Variants in MYT1L observed in about 807,000 individuals in gnomAD.
The protein encoded by MYT1L is myelin transcription factor 1 like, also known as myelin transcription factor 1-like protein.
A neutral mutation model predicts 126.7 loss-of-function variants in MYT1L; 12 were observed. The observed-to-expected ratio is 0.09, with a 90% confidence interval of 0.06 to 0.15. The LOEUF (loss-of-function observed/expected upper bound fraction) is 0.15. Among genes scored for constraint, MYT1L ranks in the 10% least tolerant of loss-of-function variants. MYT1L has a pLI of 1.00. For missense variants in MYT1L, 979 were observed against 1,585.2 expected, an observed-to-expected ratio of 0.62 and a Z score of 6.49; for synonymous variants, 541 against 604.2, an observed-to-expected ratio of 0.90 and a Z score of 1.53.
rs35241321 is a variant in MYT1L, at chr2:1,936,167, T to TCC, written c.505+6813_505+6814dup. 2.0e-5 allele frequency among the ~76,000 whole-genome samples: 3 copies of TCC among 152,086 alleles called. No homozygotes were observed. In the East Asian group the frequency reaches 5.8e-4, roughly 29 times the overall value. ...CAAACTCCTGACCTCAGGTGATCTG[T>TCC]CCCCCTCAGCCTCCCAAAGTGCTGG... On this transcript the variant is annotated intron_variant, in intron 9 of 24. Coordinates refer to ENST00000647738, the MANE Select transcript of MYT1L (RefSeq NM_001303052.2).
chr2:1,865,089 T>C (rs1203335740), intron 18 of MYT1L, among the ~76,000 whole-genome samples: 1 of 152,178 alleles, frequency 6.6e-6, no homozygotes, highest in Non-Finnish European at 1.5e-5. Flanking sequence ...GGCGCCCGTG[T>C]GGGTGTCAGC....
At position 1,979,902 on chromosome 2, in the gene MYT1L, A is replaced by AAAC; in HGVS notation, c.1-126_1-125insGTT. ...TAATCCTGTTTCCCTCCATGAAGGG[A>AAAC]AGCCCTCTACAAGGGCAGGGGGTAA... On this transcript the variant is annotated intron_variant, in intron 5 of 24. Transcript: ENST00000647738. This position sits in a 1 kb window ranked among gnomAD's most constrained non-coding sequence, Gnocchi z 4.0. 8.3e-6 allele frequency: 8 copies of AAAC among 959,738 alleles called. No homozygotes were observed. Among genetic ancestry groups the AAAC allele is most frequent in the Non-Finnish European group, 1.1e-5 (7 of 619,458 alleles). The allele number at this position is 959,738 out of a possible 1,614,324, so 59.5% of individuals were successfully genotyped here. A position where few individuals can be genotyped will look rare whatever the true frequency, so the allele number is the denominator to read the frequency against.
chr2:2,065,902 CAGAA>C (rs780685841), intron 3 of MYT1L, among the ~76,000 whole-genome samples: 11 of 151,298 alleles, frequency 7.3e-5, no homozygotes, highest in Non-Finnish European at 1.6e-4. Context: ...GAAGTTAAAA[CAGAA>C]AGAAGAAATT....
chr2:1,829,296 C>A, intron 21 of MYT1L, among the ~76,000 whole-genome samples: 2 of 128,096 alleles, frequency 1.6e-5, no homozygotes, highest in East Asian at 2.6e-4. Context: ...CACCTGTGAA[C>A]TGACCCTCCC....
chr2:1,966,591 T>A (rs541088382), intron 8 of MYT1L, among the ~76,000 whole-genome samples: 1 of 152,158 alleles, frequency 6.6e-6, no homozygotes, highest in East Asian at 1.9e-4. Context: ...ACAAACATTG[T>A]CTGCAAAGAT....
intron 1 of MYT1L, among the ~76,000 whole-genome samples, chr2:2,297,715 C>T (rs2095716384): frequency 6.6e-6 from 1 of 152,146 alleles, no homozygotes; most frequent in African/African-American, 2.4e-5. Context: ...GTCCTTTCTA[C>T]AGCATGAAGC....
chr2:1,866,602 AG>A (rs2045528939), intron 18 of MYT1L, among the ~76,000 whole-genome samples: 1 of 98,302 alleles, frequency 1.0e-5, no homozygotes. Flanking sequence ...AGAGAGGGAG[AG>A]GGAGGGGGAG....
At chr2:2,120,934 G>A (rs17039339) in intron 3 of MYT1L, among the ~76,000 whole-genome samples, 18,348 of 151,790 alleles carry the variant, frequency 0.12, 1,145 homozygotes, top group East Asian at 0.18. Context: ...AGACTCCCCC[G>A]AAGTCCATTT....
intron 20 of MYT1L, 58 bp from the exon 21 acceptor site, chr2:1,839,428 C>A (rs2041353996): frequency 1.4e-6 from 2 of 1,478,482 alleles, no homozygotes; most frequent in Admixed American, 1.8e-5. Flanking sequence ...CTGGTGGCTT[C>A]TGTAACAAAG....
At chr2:2,199,406 G>A (rs991198732) in intron 2 of MYT1L, among the ~76,000 whole-genome samples, 1 of 152,216 alleles carries the variant, frequency 6.6e-6, no homozygotes, top group African/African-American at 2.4e-5. Flanking sequence ...ATAAGGGATG[G>A]TGTAGACTGC....
At chr2:1,904,496 G>A (rs2050772931) in intron 13 of MYT1L, among the ~76,000 whole-genome samples, 1 of 152,034 alleles carries the variant, frequency 6.6e-6, no homozygotes, top group Admixed American at 6.6e-5. Context: ...AGCCTCCCGA[G>A]TAGCTGGGAC....
chr2:1,863,760 T>G (rs2045059977), intron 18 of MYT1L, among the ~76,000 whole-genome samples: 1 of 141,614 alleles, frequency 7.1e-6, no homozygotes, highest in African/African-American at 2.5e-5. Context: ...CATTTGGGGA[T>G]ATTTGGGGGG....
intron 1 of MYT1L, among the ~76,000 whole-genome samples, chr2:2,284,965 C>A (rs2095498016): frequency 6.6e-6 from 1 of 152,166 alleles, no homozygotes. Context: ...ATCCGCCCAC[C>A]TTAGCCTCCC....
intron 21 of MYT1L, among the ~76,000 whole-genome samples, chr2:1,830,480 G>A (rs1229582608): frequency 1.3e-5 from 2 of 152,056 alleles, no homozygotes; most frequent in Non-Finnish European, 2.9e-5. Flanking sequence ...ATGGAGGAAA[G>A]GGTGTTCTCG....
chr2:1,996,214 C>T (rs545601923), intron 5 of MYT1L, among the ~76,000 whole-genome samples: 86 of 152,370 alleles, frequency 5.6e-4, no homozygotes, highest in African/African-American at 1.9e-3. Context: ...TTTTCTCACA[C>T]GCAGAGAGCA....
intron 3 of MYT1L, among the ~76,000 whole-genome samples, chr2:2,075,652 C>T (rs568790795): frequency 3.3e-5 from 5 of 152,252 alleles, no homozygotes; most frequent in Admixed American, 3.3e-4. Flanking sequence ...TATTCAACTA[C>T]ATATGGTTCA....
intron 14 of MYT1L, among the ~76,000 whole-genome samples, chr2:1,898,116 C>A (rs1386163483): frequency 6.6e-6 from 1 of 152,216 alleles, no homozygotes; most frequent in Non-Finnish European, 1.5e-5. Context: ...ACTAAATGTA[C>A]ATGCCTTGTT....
At chr2:2,312,288 C>A (rs1170281938) in intron 1 of MYT1L, among the ~76,000 whole-genome samples, 10 of 152,160 alleles carry the variant, frequency 6.6e-5, no homozygotes. Context: ...ACAATTTATT[C>A]TCTATCTCTC....
At chr2:2,071,283 C>G (rs1196062425) in intron 3 of MYT1L, among the ~76,000 whole-genome samples, 1 of 152,118 alleles carries the variant, frequency 6.6e-6, no homozygotes, top group Non-Finnish European at 1.5e-5. Context: ...AATGTACAGA[C>G]CTCCATTAAT....
Sources: allele counts gnomAD v4.1 joint callset (sites outside exome capture counted in the v4.1 genomes callset), GRCh38; gene constraint gnomAD v4.1.1; non-coding constraint Gnocchi (gnomAD v3.1); transcripts MANE v1.5; gene names NCBI Gene and HGNC (gene_info 2026-07-23, HGNC 2026-07-21).